BEND7: variants seen among roughly 807,000 people sequenced by gnomAD.
BEND7 encodes the protein BEN domain containing 7, also known as BEN domain-containing protein 7.
BEND7 carries 28 observed loss-of-function variants against 50.9 expected under a neutral mutation model. The ratio of observed to expected loss-of-function variants is 0.55; its 90% confidence interval spans 0.41 to 0.75. The LOEUF (loss-of-function observed/expected upper bound fraction) is 0.75. Among genes scored for constraint, BEND7 ranks in the 30% least tolerant of loss-of-function variants. The pLI is 0.00. For missense variants in BEND7, 477 were observed against 491.3 expected (o/e 0.97, Z 0.28); for synonymous variants, 170 against 183.9 (o/e 0.92, Z 0.61).
intron 5 of BEND7, among the ~76,000 whole-genome samples, chr10:13,484,211 G>A (rs2076065393): frequency 6.6e-6 from 1 of 152,208 alleles, no homozygotes; most frequent in Non-Finnish European, 1.5e-5. Flanking sequence ...CTCCTATTCA[G>A]ATTTCTAAGC....
chr10:13,499,934 G>A lies in BEND7; in HGVS notation c.292C>T (p.Arg98Cys), dbSNP rs761761203. ...GGGGCCTCAGCAGAGGAGTTCAAACGTGGAGGCCAGACTAAATCCAGGTCC... is the reference window on the plus strand; with the variant it reads ...GGGGCCTCAGCAGAGGAGTTCAAACATGGAGGCCAGACTAAATCCAGGTCC... ...PQDLDLVWPP[R>C]LNSSAEAPQS... The change falls in exon 3 of 9, where the codon CGT (arginine) becomes TGT (cysteine). Residue 98 changes from arginine (R) to cysteine (C), a missense_variant. By Grantham distance (180) the Arg-to-Cys change is radical. Coordinates refer to ENST00000466271, the MANE Select transcript of BEND7 (RefSeq NM_001369863.1). 94 of 1,614,094 alleles carry A rather than the reference G, an allele frequency of 5.8e-5. No homozygotes were observed. The highest frequency in any genetic ancestry group is 7.8e-5 in the Non-Finnish European group (92 of 1,180,048).
Position 13,499,327 on chromosome 10 carries a change from CCT to C in BEND7, c.448+449_448+450del, listed in dbSNP as rs557238468. Among the ~76,000 whole-genome samples the C allele has an allele frequency of 2.7e-4, 41 of 152,052 alleles. 1 individual carries two copies. In the East Asian group the frequency reaches 7.9e-3, roughly 29 times the overall value. On this transcript the variant is annotated intron_variant, in intron 3 of 8. Coordinates refer to ENST00000466271, the MANE Select transcript of BEND7 (RefSeq NM_001369863.1). ...GATGCTGGGTTATCGGCCCCCCACC[CCT>C]GTCCGCCCCCGCCTTTATCTGGGAC...
intron 6 of BEND7, among the ~76,000 whole-genome samples, chr10:13,453,028 G>A (rs1170434893): frequency 6.6e-6 from 1 of 152,180 alleles, no homozygotes; most frequent in Non-Finnish European, 1.5e-5. Context: ...TCACTTTTTT[G>A]TTGTCAATTC....
At chr10:13,494,214 C>A (rs530397134) in intron 4 of BEND7, among the ~76,000 whole-genome samples, 2 of 152,022 alleles carry the variant, frequency 1.3e-5, no homozygotes, top group Non-Finnish European at 2.9e-5. Context: ...GTCAAGAGAT[C>A]GAGACCATCC....
At chr10:13,498,724 G>T (rs11258421) in intron 3 of BEND7, among the ~76,000 whole-genome samples, 29,105 of 152,072 alleles carry the variant, frequency 0.19, 2,914 homozygotes, top group African/African-American at 0.23. Flanking sequence ...AAAGAGAACT[G>T]ACTTTTTATT....
chr10:13,473,267 G>A (rs913332653), intron 6 of BEND7, among the ~76,000 whole-genome samples: 28 of 150,010 alleles, frequency 1.9e-4, no homozygotes, highest in African/African-American at 5.9e-4. Flanking sequence ...ACTCAGGGCC[G>A]ATATCGTCAT....
chr10:13,453,530 T>A (rs1838262401), intron 6 of BEND7, among the ~76,000 whole-genome samples: 1 of 152,214 alleles, frequency 6.6e-6, no homozygotes, highest in Non-Finnish European at 1.5e-5. Flanking sequence ...AAATTTCTAT[T>A]GAATGAAAAA....
At chr10:13,443,754 T>C (rs994418104) in intron 8 of BEND7, 5 of 152,178 alleles carry the variant, frequency 3.3e-5, no homozygotes, top group African/African-American at 9.7e-5. Context: ...TATGAAGATT[T>C]GCCATAGAGT....
upstream of BEND7, among the ~76,000 whole-genome samples, chr10:13,529,523 T>C (rs2079589664): frequency 6.6e-6 from 1 of 152,124 alleles, no homozygotes. Flanking sequence ...TAACCCAGGC[T>C]GGGCGGATTG....
intron 6 of BEND7, among the ~76,000 whole-genome samples, chr10:13,473,632 T>C (rs1465672649): frequency 8.2e-6 from 1 of 122,340 alleles, no homozygotes; most frequent in East Asian, 2.6e-4. Context: ...TCAGGGCCGA[T>C]TCGTCATCGC....
intron 6 of BEND7, among the ~76,000 whole-genome samples, chr10:13,472,062 C>T (rs1040102072): frequency 4.6e-5 from 7 of 151,164 alleles, no homozygotes; most frequent in South Asian, 2.1e-4. Context: ...GACTCGGGGT[C>T]GATACCCGTC....
chr10:13,479,863 C>T (rs927362451), intron 6 of BEND7, among the ~76,000 whole-genome samples: 3 of 152,252 alleles, frequency 2.0e-5, no homozygotes, highest in African/African-American at 4.8e-5. Flanking sequence ...CATTTAAATA[C>T]CGTATTATTT....
intron 8 of BEND7, 115 bp downstream of exon 8, chr10:13,447,151 A>G: frequency 9.3e-7 from 1 of 1,076,116 alleles, no homozygotes; most frequent in South Asian, 1.3e-5. Flanking sequence ...GGTCCACTGC[A>G]GAAGCAGTTT....
intron 2 of BEND7, among the ~76,000 whole-genome samples, chr10:13,519,944 C>G (rs1010297017): frequency 1.3e-5 from 2 of 152,098 alleles, no homozygotes; most frequent in Non-Finnish European, 2.9e-5. Context: ...ATGATGTGAT[C>G]AGTTTGACAC....
At chr10:13,505,039 C>T (rs187483125) in intron 2 of BEND7, among the ~76,000 whole-genome samples, 8 of 152,346 alleles carry the variant, frequency 5.3e-5, no homozygotes, top group South Asian at 2.1e-4. Flanking sequence ...CAGGTAATCA[C>T]GATAAAAGAT....
chr10:13,446,898 C>G (rs1010994868), intron 8 of BEND7: 3 of 299,062 alleles, frequency 1.0e-5, no homozygotes, highest in African/African-American at 6.8e-5. Flanking sequence ...GAGAGGACAG[C>G]CTAGCCATGA....
intron 6 of BEND7, among the ~76,000 whole-genome samples, chr10:13,474,241 G>A (rs979592748): frequency 1.3e-5 from 2 of 151,924 alleles, no homozygotes; most frequent in Non-Finnish European, 2.9e-5. Context: ...TGTTAGACTC[G>A]GGGTCGACAC....
chr10:13,497,630 C>T (rs2077118658), intron 3 of BEND7, among the ~76,000 whole-genome samples: 1 of 152,122 alleles, frequency 6.6e-6, no homozygotes, highest in Non-Finnish European at 1.5e-5. Flanking sequence ...CTTGGTAAAC[C>T]TATCTTATTC....
intron 6 of BEND7, among the ~76,000 whole-genome samples, chr10:13,460,291 T>C (rs1317072815): frequency 2.0e-5 from 3 of 152,130 alleles, no homozygotes; most frequent in African/African-American, 4.8e-5. Context: ...AGTCCAGGCC[T>C]TACAGCAGCC....
Sources: allele counts gnomAD v4.1 joint callset (sites outside exome capture counted in the v4.1 genomes callset), GRCh38; gene constraint gnomAD v4.1.1; transcripts MANE v1.5; gene names NCBI Gene and HGNC (gene_info 2026-07-23, HGNC 2026-07-21).